Variants in NRIP1 observed in about 807,000 individuals in gnomAD.
NRIP1 encodes the protein nuclear receptor-interacting protein 1.
NRIP1 carries 28 observed loss-of-function variants against 75.0 expected under a neutral mutation model. The observed-to-expected ratio is 0.37, with a 90% CI of 0.28 to 0.51. NRIP1 has a LOEUF of 0.51. NRIP1 is among the 20% of genes least tolerant of loss of function. The pLI, the probability that NRIP1 is intolerant of heterozygous loss-of-function variation, is 0.92. For synonymous variants in NRIP1, 526 were observed against 487.6 expected, an observed-to-expected ratio of 1.08 and a Z score of -1.04; for missense variants, 1,435 against 1,343.7, an observed-to-expected ratio of 1.07 and a Z score of -1.06.
At chr21:14,987,746 C>T (rs2087447866) in intron 3 of NRIP1, among the ~76,000 whole-genome samples, 1 of 152,164 alleles carries the variant, frequency 6.6e-6, no homozygotes, top group Admixed American at 6.6e-5. Context: ...ACTCACCCTT[C>T]CTCGAATGAA....
chr21:15,020,379 G>C (rs2147204477), intron 2 of NRIP1, among the ~76,000 whole-genome samples: 1 of 152,248 alleles, frequency 6.6e-6, no homozygotes, highest in African/African-American at 2.4e-5. Flanking sequence ...GGTACAGTTA[G>C]ATATCCATAT....
At chr21:15,052,820 G>A (rs2089231224) in intron 1 of NRIP1, among the ~76,000 whole-genome samples, 1 of 152,038 alleles carries the variant, frequency 6.6e-6, no homozygotes, top group Non-Finnish European at 1.5e-5. Flanking sequence ...TTACCACAGT[G>A]ATGTATACTG....
At chr21:14,997,661 ATATATATCATT>A (rs1479064959) in intron 3 of NRIP1, among the ~76,000 whole-genome samples, 2 of 150,612 alleles carry the variant, frequency 1.3e-5, no homozygotes, top group African/African-American at 4.8e-5. Flanking sequence ...AATAATCATT[ATATATATCATT>A]TATATTATCC....
intron 2 of NRIP1, among the ~76,000 whole-genome samples, chr21:15,024,338 T>A (rs1361832818): frequency 2.6e-5 from 4 of 151,956 alleles, no homozygotes; most frequent in Non-Finnish European, 4.4e-5. Flanking sequence ...AGGTCAGGAG[T>A]TCGAGACCAG....
At chr21:15,033,961 T>C (rs1440758640) in intron 2 of NRIP1, among the ~76,000 whole-genome samples, 1 of 152,218 alleles carries the variant, frequency 6.6e-6, no homozygotes, top group African/African-American at 2.4e-5. Flanking sequence ...CCTGGAGCTA[T>C]GCTAAAGACA....
chr21:15,050,806 T>G (rs1288761497), intron 1 of NRIP1: 1 of 455,922 alleles, frequency 2.2e-6, no homozygotes, highest in East Asian at 6.9e-5. Flanking sequence ...GCCTTTCACA[T>G]GCAAACTAAA....
chr21:15,009,851 T>C (rs899337851), intron 3 of NRIP1, among the ~76,000 whole-genome samples: 10 of 152,270 alleles, frequency 6.6e-5, no homozygotes, highest in East Asian at 1.9e-4. Flanking sequence ...CATATAGCTT[T>C]TTAAAAAGAC....
chr21:14,967,025 G>A lies in NRIP1; in HGVS notation c.1168C>T (p.Pro390Ser). 6.2e-7 allele frequency: 1 copy of A among 1,614,118 alleles called. No homozygotes were observed. ...TGACTGTGTCCATTCATTGGCTTAG[G>A]TATAGTCTGGCTTTTAAGAAGATGT... ...LLHLLKSQTI[P>S]KPMNGHSHSE... The change falls in exon 4 of 4, where the codon CCT becomes TCT. Residue 390 changes from proline (P) to serine (S), a missense_variant. Transcript: ENST00000318948.
chr21:15,051,883 A>C (rs757966022), intron 1 of NRIP1: 1 of 152,196 alleles, frequency 6.6e-6, no homozygotes, highest in Non-Finnish European at 1.5e-5. Context: ...TGTAACCGAC[A>C]TTAGTCTGTG....
At chr21:15,063,103 TCCA>T (rs772848352) in intron 1 of NRIP1, among the ~76,000 whole-genome samples, 1 of 152,174 alleles carries the variant, frequency 6.6e-6, no homozygotes, top group Non-Finnish European at 1.5e-5. Context: ...GAGGTCTTTC[TCCA>T]CCAGAGTATG....
At chr21:15,010,960 G>A (rs1210570166) in intron 3 of NRIP1, among the ~76,000 whole-genome samples, 1 of 152,148 alleles carries the variant, frequency 6.6e-6, no homozygotes. Flanking sequence ...TTGGTTTACG[G>A]CAATTAATTC....
chr21:15,001,734 C>T (rs2087853826), intron 3 of NRIP1, among the ~76,000 whole-genome samples: 1 of 151,918 alleles, frequency 6.6e-6, no homozygotes, highest in African/African-American at 2.4e-5. Context: ...TCATGAAAAT[C>T]TCTTTCCTTT....
At chr21:15,044,566 G>C (rs1263070674) in intron 1 of NRIP1, among the ~76,000 whole-genome samples, 2 of 152,014 alleles carry the variant, frequency 1.3e-5, no homozygotes, top group African/African-American at 4.8e-5. Context: ...ACGCCACTTA[G>C]ATCTGACTTA....
rs1482665548 is a variant in NRIP1 at position 14,967,446 on chromosome 21, T to G, written c.747A>C (p.Lys249Asn). Reference protein sequence around the residue: ...RLQAVASMVEKRASPATSPKP... With the variant: ...RLQAVASMVENRASPATSPKP... The stretch of plus-strand genomic sequence containing the variant: ...TAGGTGAGGTGGCAGGACTAGCCCT[T>G]TTTTCCACCATGCTTGCAACAGCCT... The change falls in exon 4 of 4, where the codon AAA becomes AAC. Residue 249 changes from lysine to asparagine, a missense_variant. By Grantham distance (94) the Lys-to-Asn change is moderately conservative. Transcript: ENST00000318948. The G allele has an allele frequency of 2.5e-6, 4 of 1,613,920 alleles. No homozygotes were observed. The African/African-American group carries it at 5.3e-5, about 22-fold the overall frequency.
intron 3 of NRIP1, among the ~76,000 whole-genome samples, chr21:14,980,215 A>T (rs1488467863): frequency 1.3e-5 from 2 of 152,082 alleles, no homozygotes; most frequent in African/African-American, 2.4e-5. Flanking sequence ...TGCAGGCTAG[A>T]TGTGGTGGCT....
At chr21:15,017,669 C>CAGGG (rs909115577) in intron 2 of NRIP1, among the ~76,000 whole-genome samples, 2 of 152,138 alleles carry the variant, frequency 1.3e-5, no homozygotes, top group African/African-American at 4.8e-5. Context: ...TGGAAAAAGA[C>CAGGG]AGGGCCTTGA....
chr21:14,967,254 G>A lies in NRIP1; in HGVS notation c.939C>T (p.Gly313=), dbSNP rs757796567. Residue 313 remains glycine (G), a synonymous_variant, in exon 4 of 4, where the codon GGC becomes GGT. Transcript: ENST00000318948. ...ACATTCCTTTTGGGAGCTGGTAACT[G>A]CCAACATCCTTCTGGCCATTTTCTT... ...RLQENGQKDV[G]SYQLPKGMSS... The A allele has an allele frequency of 6.2e-7, 1 of 1,613,898 alleles. No individual in the cohort carries two copies. Among genetic ancestry groups the A allele is most frequent in the East Asian group, 2.2e-5 (1 of 44,840 alleles).
intron 1 of NRIP1, chr21:15,050,730 C>T (rs753624718): frequency 2.2e-6 from 1 of 456,054 alleles, no homozygotes; most frequent in South Asian, 1.5e-5. Context: ...TGACTCCTTT[C>T]TGGCTGGGAA....
At chr21:15,023,340 C>T (rs2088426046) in intron 2 of NRIP1, among the ~76,000 whole-genome samples, 1 of 152,124 alleles carries the variant, frequency 6.6e-6, no homozygotes, top group Admixed American at 6.5e-5. Flanking sequence ...GAAGTTATGT[C>T]ACATTTATCA....
Sources: gnomAD v4.1 joint callset for allele counts (sites outside exome capture counted in the v4.1 genomes callset) on GRCh38, gnomAD v4.1.1 for gene constraint, MANE v1.5 for transcripts, NCBI Gene and HGNC (gene_info 2026-07-23, HGNC 2026-07-21) for gene names.